Variants in PCDHA2 observed in about 807,000 individuals in gnomAD.
PCDHA2 encodes the protein protocadherin alpha-2.
PCDHA2 carries 58 observed loss-of-function variants against 66.0 expected under a neutral mutation model. That is an observed-to-expected ratio of 0.88 (90% CI 0.71 to 1.09). The LOEUF is 1.09. Ranked by LOEUF, PCDHA2 falls within the 50% of genes least tolerant of loss-of-function variation. The probability of loss-of-function intolerance (pLI) is 0.00; values close to 1 mark genes in which losing one functional copy is unlikely to be tolerated. For missense variants in PCDHA2, 1,267 were observed against 1,242.3 expected, an observed-to-expected ratio of 1.02 and a Z score of -0.30; for synonymous variants, 634 against 554.0, an observed-to-expected ratio of 1.14 and a Z score of -2.03.
At chr5:140,848,914 T>G in intron 1 of PCDHA2, 4 of 1,608,096 alleles carry the variant, frequency 2.5e-6, no homozygotes, top group Non-Finnish European at 3.4e-6. Context: ...CAAAAGAATC[T>G]GTTCATCGCG....
intron 1 of PCDHA2, chr5:140,822,476 C>G (rs2150116671): frequency 6.2e-7 from 1 of 1,613,670 alleles, no homozygotes; most frequent in Non-Finnish European, 8.5e-7. Context: ...GTATTGGATG[C>G]TAATGATAAC....
At chr5:140,869,850 G>A in intron 1 of PCDHA2, 1 of 1,610,774 alleles carries the variant, frequency 6.2e-7, no homozygotes, top group South Asian at 1.1e-5. Flanking sequence ...AATATAAGGT[G>A]AGCCTTATGG....
At chr5:140,877,374 A>T in intron 1 of PCDHA2, 1 of 1,613,970 alleles carries the variant, frequency 6.2e-7, no homozygotes, top group African/African-American at 1.3e-5. Flanking sequence ...TCAGCACGAC[A>T]CGCATCCTGG....
intron 1 of PCDHA2, among the ~76,000 whole-genome samples, chr5:140,941,286 C>CTCTT (rs5871754): frequency 5.6e-5 from 6 of 106,818 alleles, no homozygotes; most frequent in African/African-American, 1.4e-4. Context: ...TCCTTCCTTT[C>CTCTT]TCTTTCTTTC....
intron 1 of PCDHA2, chr5:140,857,244 CCTA>C (rs782212916): frequency 6.3e-7 from 1 of 1,598,476 alleles, no homozygotes; most frequent in East Asian, 2.2e-5. Flanking sequence ...CTGGTGTCCA[CCTA>C]CAAGAATTAC....
At position 140,795,264 on chromosome 5, in the gene PCDHA2, G is replaced by A. The variant is rs1014240887; in HGVS notation, c.300G>A (p.Ala100=). Residue 100 remains alanine, a synonymous_variant, in exon 1 of 4, where the codon GCG becomes GCA. Transcript: ENST00000526136. ...GGGAGGAGCTGTGCGGGCGGAGCGC[G>A]GAATGTAGCATCCACGTGGAGGTGA... is the stretch of plus-strand genomic sequence containing the variant. The part of the protein sequence containing the change: ...IDREELCGRS[A]ECSIHVEVIV... 13 of 1,614,268 alleles carry A rather than the reference G, an allele frequency of 8.1e-6. No individual in the cohort carries two copies. The highest frequency in any genetic ancestry group is 1.7e-4 in the Middle Eastern group (1 of 6,060).
intron 1 of PCDHA2, chr5:140,800,969 C>G: frequency 2.4e-6 from 3 of 1,230,718 alleles, no homozygotes; most frequent in East Asian, 2.9e-5. Flanking sequence ...AAAGAAGATA[C>G]GTTTACATAT....
intron 1 of PCDHA2, among the ~76,000 whole-genome samples, chr5:140,907,775 G>T (rs1217508105): frequency 4.6e-5 from 7 of 152,178 alleles, no homozygotes; most frequent in African/African-American, 1.7e-4. Flanking sequence ...TGATGACAGG[G>T]GTGGCTGGGG....
In PCDHA2 at chr5:140,801,481, T is replaced by A. The variant is rs782568249; in HGVS notation, c.2388+4129T>A. ...AATTCTCGGATAGACCGCGAGGAAC[T>A]GTGCGGGCGGAGCGCGGAGTGCAGC... On this transcript the variant is annotated intron_variant, in intron 1 of 3. Transcript: ENST00000526136. 6 of 1,614,126 alleles carry A rather than the reference T, an allele frequency of 3.7e-6. No homozygotes were observed. In the Admixed American group the frequency reaches 5.0e-5, roughly 13 times the overall value.
At position 140,796,572 on chromosome 5, in the gene PCDHA2, C is replaced by G. The variant is rs573477679; in HGVS notation, c.1608C>G (p.Ser536Arg). ...EEVELLQFQV[S>R]ARDAGVPPLG... ...TGGAGCTGCTGCAGTTCCAGGTGAG[C>G]GCGCGGGATGCGGGCGTGCCGCCTC... Residue 536 changes from serine to arginine, a missense_variant, in exon 1 of 4, where the codon AGC becomes AGG. Coordinates refer to ENST00000526136, the MANE Select transcript of PCDHA2 (RefSeq NM_018905.3). 3.1e-6 allele frequency: 5 copies of G among 1,613,178 alleles called. No individual in the cohort carries two copies. In the Admixed American group the frequency reaches 5.0e-5, roughly 16 times the overall value.
chr5:140,811,529 T>C (rs1554125761), intron 1 of PCDHA2: 2 of 152,210 alleles, frequency 1.3e-5, no homozygotes. Context: ...TACCCAGTAA[T>C]GGGTCAAATG....
intron 1 of PCDHA2, chr5:140,852,588 T>A (rs2150519378): frequency 0.079 from 70,028 of 881,224 alleles, 6,599 homozygotes; most frequent in African/African-American, 0.093. Flanking sequence ...TTTTATTTTT[T>A]TTTTTTGTCA....
At position 141,010,411 on chromosome 5, in the gene PCDHA2, G is replaced by A. The variant is rs1215041869; in HGVS notation, c.*474G>A. On this transcript the variant is annotated 3_prime_UTR_variant, in exon 4 of 4. Coordinates refer to ENST00000526136, the MANE Select transcript of PCDHA2 (RefSeq NM_018905.3). Reference sequence around the variant, plus strand: ...TGAGACGAGCCAGCTTAGACTAATTGGTACAAGGAAGGCAAGAAAACAAAG... The same window carrying A: ...TGAGACGAGCCAGCTTAGACTAATTAGTACAAGGAAGGCAAGAAAACAAAG... The A allele has an allele frequency of 8.2e-7, 1 of 1,224,354 alleles. No individual in the cohort carries two copies. Among genetic ancestry groups the A allele is most frequent in the Admixed American group, 2.9e-5 (1 of 35,038 alleles). 75.8% of individuals were successfully genotyped at this position (1,224,354 alleles called of 1,614,324 possible).
intron 1 of PCDHA2, chr5:140,877,193 G>C: frequency 6.2e-7 from 1 of 1,613,832 alleles, no homozygotes; most frequent in Non-Finnish European, 8.5e-7. Flanking sequence ...GGCAGCGCAG[G>C]AGGCGCAGTT....
intron 1 of PCDHA2, among the ~76,000 whole-genome samples, chr5:140,897,896 T>C (rs1377037458): frequency 6.6e-6 from 1 of 152,204 alleles, no homozygotes; most frequent in Non-Finnish European, 1.5e-5. Context: ...TGGTGTGAGA[T>C]GGTATCTCAT....
intron 1 of PCDHA2, chr5:140,930,291 C>G (rs529065220): frequency 2.0e-5 from 3 of 152,094 alleles, no homozygotes; most frequent in Non-Finnish European, 4.4e-5. Flanking sequence ...ATACACTTAA[C>G]AAATAAGTAA....
chr5:140,808,696 G>T (rs1182991653), intron 1 of PCDHA2: 2 of 1,612,214 alleles, frequency 1.2e-6, no homozygotes, highest in African/African-American at 1.3e-5. Flanking sequence ...GGGAGCGCGC[G>T]CTGTCGAGCT....
chr5:140,951,321 A>AT (rs2094571430), intron 1 of PCDHA2, among the ~76,000 whole-genome samples: 1 of 152,098 alleles, frequency 6.6e-6, no homozygotes, highest in Non-Finnish European at 1.5e-5. Context: ...TATTCTTGAG[A>AT]TTCATCATTC....
intron 1 of PCDHA2, among the ~76,000 whole-genome samples, chr5:140,907,552 C>A (rs576974083): frequency 1.4e-4 from 21 of 152,278 alleles, no homozygotes; most frequent in Admixed American, 1.3e-3. Flanking sequence ...GGAAGAGGTC[C>A]AATATAATCA....
Sources: allele counts gnomAD v4.1 joint callset (sites outside exome capture counted in the v4.1 genomes callset), GRCh38; gene constraint gnomAD v4.1.1; transcripts MANE v1.5; gene names NCBI Gene and HGNC (gene_info 2026-07-23, HGNC 2026-07-21).